The following ITGB1 variants were observed in gnomAD, a reference collection of about 807,000 sequenced individuals.
ITGB1 encodes the protein integrin beta-1.
A neutral mutation model predicts 86.5 loss-of-function variants in ITGB1; 24 were observed. That is an observed-to-expected ratio of 0.28 (90% CI 0.20 to 0.39). ITGB1 has a LOEUF of 0.39. ITGB1 is among the 10% of genes least tolerant of loss of function. ITGB1 has a pLI of 1.00. For synonymous variants in ITGB1, 323 were observed against 316.8 expected (o/e 1.02, Z -0.21); for missense variants, 556 against 946.9 (o/e 0.59, Z 5.42).
At chr10:32,902,656 A>G (rs1157527528) in intron 15 of ITGB1, among the ~76,000 whole-genome samples, 2 of 152,242 alleles carry the variant, frequency 1.3e-5, no homozygotes, top group African/African-American at 2.4e-5. Flanking sequence ...ATCTCACTAT[A>G]GAACCAACTG....
intron 5 of ITGB1, among the ~76,000 whole-genome samples, chr10:32,927,297 TC>T (rs2094968014): frequency 6.6e-6 from 1 of 152,068 alleles, no homozygotes; most frequent in African/African-American, 2.4e-5. Flanking sequence ...TTGCTAAACC[TC>T]TAGAGCAACA....
chr10:32,931,334 G>A (rs2094982793), intron 3 of ITGB1, among the ~76,000 whole-genome samples: 1 of 152,040 alleles, frequency 6.6e-6, no homozygotes, highest in African/African-American at 2.4e-5. Flanking sequence ...AAGCTCAAAG[G>A]CTAAGATAAT....
chr10:32,941,553 G>C (rs1035880701), intron 1 of ITGB1, among the ~76,000 whole-genome samples: 2 of 152,166 alleles, frequency 1.3e-5, no homozygotes, highest in Admixed American at 1.3e-4. Context: ...TGCTAAAAGA[G>C]TTTGGATTCC....
chr10:32,909,383 C>T (rs1206793487), intron 14 of ITGB1, among the ~76,000 whole-genome samples: 1 of 152,096 alleles, frequency 6.6e-6, no homozygotes, highest in Non-Finnish European at 1.5e-5. Flanking sequence ...TATAAAACTT[C>T]TACCAAAAAA....
chr10:32,944,762 G>A, intron 1 of ITGB1: 1 of 720,556 alleles, frequency 1.4e-6, no homozygotes, highest in Non-Finnish European at 2.6e-6. Flanking sequence ...ATGCCTTACT[G>A]CTCGCTAGAT....
At chr10:32,924,794 G>T (rs1190480023) in intron 6 of ITGB1, among the ~76,000 whole-genome samples, 1 of 152,208 alleles carries the variant, frequency 6.6e-6, no homozygotes, top group African/African-American at 2.4e-5. Context: ...AAACACTCTA[G>T]TGAAAAGTCG....
rs760814509 is a variant in ITGB1, at chr10:32,923,586, T to C, written c.941A>G (p.Tyr314Cys). ...CTATGTAAGGAACCAGGCACTTACA[T>C]AATAATGGCTCATTGTGTACATATT... The part of the protein sequence containing the change: ...ENNMYTMSHY[Y>C]DYPSIAHLVQ... The change falls in exon 7 of 16, where the codon TAT becomes TGT. Residue 314 changes from tyrosine to cysteine, a missense_variant and splice_region_variant. Coordinates refer to ENST00000302278, the MANE Select transcript of ITGB1 (RefSeq NM_002211.4). The C allele has an allele frequency of 6.2e-7, 1 of 1,610,186 alleles. No homozygotes were observed. The highest frequency in any genetic ancestry group is 8.5e-7 in the Non-Finnish European group (1 of 1,177,826).
rs2094902542 is a variant in ITGB1, at chr10:32,908,247, T to C, written c.2331+121A>G. 18 of 954,608 alleles carry C rather than the reference T, an allele frequency of 1.9e-5. 1 individual carries two copies. The highest frequency in any genetic ancestry group is 2.5e-5 in the Non-Finnish European group (15 of 605,240). 59.1% of individuals were successfully genotyped at this position (954,608 alleles called of 1,614,324 possible). A position where few individuals can be genotyped will look rare whatever the true frequency, so the allele number is the denominator to read the frequency against. ...TGCAAATTCCTTGAGTAAGAAACTT[T>C]TGGGGGAATAAAATACTTAGAAAGG... On this transcript the variant is annotated intron_variant, in intron 15 of 15. Coordinates refer to ENST00000302278, the MANE Select transcript of ITGB1 (RefSeq NM_002211.4).
chr10:32,947,737 T>A (rs928767023), intron 1 of ITGB1, among the ~76,000 whole-genome samples: 1 of 152,174 alleles, frequency 6.6e-6, no homozygotes, highest in African/African-American at 2.4e-5. Context: ...ACAGCAGATA[T>A]TTGTGGCATC....
At position 32,910,440 on chromosome 10, in the gene ITGB1, G is replaced by A; in HGVS notation, c.1947C>T (p.Cys649=). Residue 649 remains cysteine (C), a synonymous_variant, in exon 14 of 16, where the codon TGC becomes TGT. Transcript: ENST00000302278. ...TCTTTTCTCCTTTATTGAAGGCTCT[G>A]CACTGAACACATTCTCTGTTACAAA... ...VCAEHKECVQ[C]RAFNKGEKKD... is the part of the protein sequence containing the mutation. 2.5e-6 allele frequency: 4 copies of A among 1,574,320 alleles called. No homozygotes were observed. The highest frequency in any genetic ancestry group is 1.2e-5 in the South Asian group (1 of 86,874).
At chr10:32,912,207 A>G in intron 11 of ITGB1, 83 bp from the exon 12 acceptor site, 1 of 1,049,892 alleles carries the variant, frequency 9.5e-7, no homozygotes, top group Non-Finnish European at 1.4e-6. Context: ...GAACAGCTCT[A>G]GTCTACAGCT....
At chr10:32,909,528 A>T (rs2094906749) in intron 14 of ITGB1, among the ~76,000 whole-genome samples, 1 of 152,170 alleles carries the variant, frequency 6.6e-6, no homozygotes, top group African/African-American at 2.4e-5. Flanking sequence ...GAAGACACTT[A>T]AAAAAATGAA....
At chr10:32,925,164 G>C (rs2094960983) in intron 6 of ITGB1, among the ~76,000 whole-genome samples, 1 of 152,134 alleles carries the variant, frequency 6.6e-6, no homozygotes, top group Admixed American at 6.5e-5. Flanking sequence ...GGACAAACTT[G>C]ACATGACAAT....
At chr10:32,921,889 C>T (rs2094951182) in intron 9 of ITGB1, among the ~76,000 whole-genome samples, 1 of 151,612 alleles carries the variant, frequency 6.6e-6, no homozygotes, top group African/African-American at 2.4e-5. Flanking sequence ...CACAATTCAT[C>T]AGAATAGATG....
chr10:32,945,391 G>A (rs1344500696), intron 1 of ITGB1, among the ~76,000 whole-genome samples: 3 of 152,144 alleles, frequency 2.0e-5, no homozygotes, highest in African/African-American at 7.2e-5. Context: ...GAGGTCAGGA[G>A]ATCGAGACCA....
At position 32,954,097 on chromosome 10, in the gene ITGB1, C is replaced by T. The variant is rs114797916; in HGVS notation, c.-1+4048G>A. Among the ~76,000 whole-genome samples, 578 of 152,174 alleles carry T rather than the reference C, an allele frequency of 3.8e-3. 10 individuals are homozygous for T. The highest frequency in any genetic ancestry group is 0.014 in the African/African-American group (563 of 41,504). ...ATGCACAGCCTATAGCTTCAACCAGCAATAGACTAAGAATTGTCAAATTGA... is the reference window on the plus strand; with the variant it reads ...ATGCACAGCCTATAGCTTCAACCAGTAATAGACTAAGAATTGTCAAATTGA... On this transcript the variant is annotated intron_variant, in intron 1 of 15. Transcript: ENST00000302278.
intron 2 of ITGB1, chr10:32,933,364 G>A (rs1250486140): frequency 2.6e-5 from 4 of 152,058 alleles, no homozygotes; most frequent in African/African-American, 9.7e-5. Flanking sequence ...AATCTTCAAG[G>A]CTTTCCCTTT....
At chr10:32,950,614 C>T (rs936544253) in intron 1 of ITGB1, among the ~76,000 whole-genome samples, 1 of 151,958 alleles carries the variant, frequency 6.6e-6, no homozygotes, top group African/African-American at 2.4e-5. Context: ...AAAGATGTAA[C>T]ACCACATTTG....
chr10:32,911,689 T>A lies in ITGB1; in HGVS notation c.1709-19A>T. On this transcript the variant is annotated intron_variant, in intron 12 of 15. Coordinates refer to ENST00000302278, the MANE Select transcript of ITGB1 (RefSeq NM_002211.4). ...CCATTTCCTGCAATTAAGCATATCA[T>A]TTCTCAAAATGGTAAAAATATACAA... 6.2e-7 allele frequency: 1 copy of A among 1,610,326 alleles called. No homozygotes were observed.
Sources: gnomAD v4.1 joint callset for allele counts (sites outside exome capture counted in the v4.1 genomes callset) on GRCh38, gnomAD v4.1.1 for gene constraint, MANE v1.5 for transcripts, NCBI Gene and HGNC (gene_info 2026-07-23, HGNC 2026-07-21) for gene names.